The following ERC2 variants were observed in gnomAD, a reference collection of about 807,000 sequenced individuals.
ERC2 encodes the protein ELKS/RAB6-interacting/CAST family member 2, also known as ERC protein 2.
A neutral mutation model predicts 114.8 loss-of-function variants in ERC2; 42 were observed. The ratio of observed to expected loss-of-function variants is 0.37; its 90% CI spans 0.29 to 0.47. ERC2 has a LOEUF of 0.47. Among genes scored for constraint, ERC2 ranks in the 20% least tolerant of loss-of-function variants. The pLI, the probability that ERC2 is intolerant of heterozygous loss-of-function variation, is 0.99. For missense variants in ERC2, 939 were observed against 1,150.7 expected, an observed-to-expected ratio of 0.82 and a Z score of 2.66; for synonymous variants, 454 against 425.5, an observed-to-expected ratio of 1.07 and a Z score of -0.82.
chr3:56,201,216 A>T (rs1216182847), intron 3 of ERC2, among the ~76,000 whole-genome samples: 1 of 152,220 alleles, frequency 6.6e-6, no homozygotes, highest in Non-Finnish European at 1.5e-5. Flanking sequence ...TTCCTCAAGA[A>T]TTAAATCCAG....
chr3:55,868,740 G>A (rs1341687088), intron 14 of ERC2, among the ~76,000 whole-genome samples: 1 of 152,180 alleles, frequency 6.6e-6, no homozygotes, highest in Non-Finnish European at 1.5e-5. Flanking sequence ...GGTCAGCCTT[G>A]GCAGGAGTCA....
At chr3:56,053,072 G>GT (rs2075843742) in intron 7 of ERC2, among the ~76,000 whole-genome samples, 1 of 152,166 alleles carries the variant, frequency 6.6e-6, no homozygotes, top group East Asian at 1.9e-4. Context: ...ACTCCACATG[G>GT]CGAGGCAGCA....
chr3:56,408,651 T>C (rs572717265), intron 2 of ERC2, among the ~76,000 whole-genome samples: 1 of 152,300 alleles, frequency 6.6e-6, no homozygotes, highest in South Asian at 2.1e-4. Context: ...TATTTACTTA[T>C]CTATTATTAG....
At chr3:56,432,767 A>C (rs945458307) in intron 2 of ERC2, among the ~76,000 whole-genome samples, 5 of 152,246 alleles carry the variant, frequency 3.3e-5, no homozygotes, top group Non-Finnish European at 7.3e-5. Flanking sequence ...AAAGCCAGTT[A>C]TTGGAAAATC....
chr3:56,266,468 G>A (rs1348863433), intron 3 of ERC2, among the ~76,000 whole-genome samples: 1 of 152,060 alleles, frequency 6.6e-6, no homozygotes, highest in Non-Finnish European at 1.5e-5. Flanking sequence ...ACCTAAATAG[G>A]CATTTCTCCA....
intron 3 of ERC2, among the ~76,000 whole-genome samples, chr3:56,175,269 A>G (rs868678627): frequency 6.6e-6 from 1 of 152,190 alleles, no homozygotes; most frequent in Admixed American, 6.5e-5. Context: ...AACCCTGTAC[A>G]AAGCTCTTTC....
intron 14 of ERC2, among the ~76,000 whole-genome samples, chr3:55,796,170 C>T (rs1188001601): frequency 2.0e-5 from 3 of 152,182 alleles, no homozygotes; most frequent in Admixed American, 6.5e-5. Flanking sequence ...AAGCCAGACA[C>T]AGGACACATG....
chr3:56,438,914 A>G (rs1159845103), intron 1 of ERC2, among the ~76,000 whole-genome samples: 1 of 152,242 alleles, frequency 6.6e-6, no homozygotes, highest in Non-Finnish European at 1.5e-5. Context: ...CACATATAAC[A>G]TACAACATGA....
chr3:55,575,915 C>G (rs1022963130), intron 17 of ERC2, among the ~76,000 whole-genome samples: 1 of 152,214 alleles, frequency 6.6e-6, no homozygotes, highest in East Asian at 1.9e-4. Context: ...CTTTTCCTAT[C>G]CCCACTTACA....
At chr3:56,345,075 A>G (rs1054767088) in intron 2 of ERC2, among the ~76,000 whole-genome samples, 11 of 152,228 alleles carry the variant, frequency 7.2e-5, no homozygotes, top group Non-Finnish European at 1.2e-4. Flanking sequence ...TATTTACACT[A>G]GAAAAGAAGT....
rs575283668 is a variant in ERC2, at chr3:55,604,726, G to T, written c.*39+79068C>A. On this transcript the variant is annotated intron_variant, in intron 17 of 17. Transcript: ENST00000288221. Reference sequence around the variant, plus strand: ...GAGTGTATGATGTAATCTACATTTTGTAAAGATCACTCTGCCAACTTGCCT... The same window carrying T: ...GAGTGTATGATGTAATCTACATTTTTTAAAGATCACTCTGCCAACTTGCCT... Among the ~76,000 whole-genome samples, 34 of 152,304 alleles carry T rather than the reference G, an allele frequency of 2.2e-4. No homozygotes were observed. In the South Asian group the frequency reaches 7.0e-3, roughly 32 times the overall value.
intron 14 of ERC2, among the ~76,000 whole-genome samples, chr3:55,768,366 C>G (rs1408842199): frequency 2.6e-5 from 4 of 152,200 alleles, no homozygotes; most frequent in Admixed American, 1.3e-4. Context: ...CACTCAAGAA[C>G]TACTTAATGA....
At chr3:55,621,636 G>A (rs2148598486) in intron 17 of ERC2, among the ~76,000 whole-genome samples, 1 of 152,310 alleles carries the variant, frequency 6.6e-6, no homozygotes, top group East Asian at 1.9e-4. Context: ...CAGGTAACAG[G>A]ACAGTCATGC....
chr3:55,796,488 TG>T (rs2070503729), intron 14 of ERC2, among the ~76,000 whole-genome samples: 1 of 152,176 alleles, frequency 6.6e-6, no homozygotes, highest in African/African-American at 2.4e-5. Context: ...TGCAGCAGTG[TG>T]ATCTTGGCTC....
At chr3:56,113,442 T>C (rs140485307) in intron 6 of ERC2, among the ~76,000 whole-genome samples, 149 of 152,308 alleles carry the variant, frequency 9.8e-4, no homozygotes, top group African/African-American at 3.5e-3. Context: ...AATACCTTCA[T>C]ATAGCAGCCC....
At chr3:55,706,592 A>G (rs190417176) in intron 15 of ERC2, among the ~76,000 whole-genome samples, 198 of 151,808 alleles carry the variant, frequency 1.3e-3, no homozygotes, top group African/African-American at 4.6e-3. Context: ...TTGTATTTTT[A>G]GTAGAGATAG....
chr3:55,567,192 T>C (rs1215774608), intron 17 of ERC2, among the ~76,000 whole-genome samples: 1 of 152,196 alleles, frequency 6.6e-6, no homozygotes, highest in Non-Finnish European at 1.5e-5. Flanking sequence ...GCCAGGGTTA[T>C]GTGATGGCAA....
chr3:55,715,582 T>C (rs1271358668), intron 15 of ERC2, among the ~76,000 whole-genome samples: 1 of 152,118 alleles, frequency 6.6e-6, no homozygotes, highest in Admixed American at 6.6e-5. Context: ...CTGGGGACAC[T>C]GCCAGCCAAG....
Position 55,950,452 on chromosome 3 carries a change from G to T in ERC2, c.2376C>A (p.Ser792Arg). ...LLEEVRRRED[S>R]MADNSQHLQI... ...GCAAATGCTGTGAGTTGTCAGCCATGCTGTCTTCTCGCCTGCGCACTTCTT... is the reference window on the plus strand; with the variant it reads ...GCAAATGCTGTGAGTTGTCAGCCATTCTGTCTTCTCGCCTGCGCACTTCTT... Residue 792 changes from serine to arginine, a missense_variant, in exon 13 of 18, where the codon AGC (serine) becomes AGA (arginine). Physicochemically the swap from Ser to Arg is moderately radical, Grantham distance 110. Coordinates refer to ENST00000288221, the MANE Select transcript of ERC2 (RefSeq NM_015576.3). 1 of 1,614,020 alleles carries T rather than the reference G, an allele frequency of 6.2e-7. No individual in the cohort carries two copies. Among genetic ancestry groups the T allele is most frequent in the Non-Finnish European group, 8.5e-7 (1 of 1,179,888 alleles).
Sources: gnomAD v4.1 joint callset for allele counts (sites outside exome capture counted in the v4.1 genomes callset) on GRCh38, gnomAD v4.1.1 for gene constraint, MANE v1.5 for transcripts, NCBI Gene and HGNC (gene_info 2026-07-23, HGNC 2026-07-21) for gene names.